KSR2: variants seen among roughly 807,000 people sequenced by gnomAD.
KSR2 encodes the protein kinase suppressor of ras 2.
KSR2 carries 25 observed loss-of-function variants against 107.8 expected under a neutral mutation model. The observed-to-expected ratio is 0.23, with a 90% confidence interval of 0.17 to 0.32. The LOEUF (loss-of-function observed/expected upper bound fraction) is 0.32, where lower values mean the gene tolerates loss of function less well. Ranked by LOEUF, KSR2 falls within the 10% of genes least tolerant of loss-of-function variation. The pLI is 1.00. For missense variants in KSR2, 887 were observed against 1,268.9 expected (o/e 0.70, Z 4.57); for synonymous variants, 480 against 507.0 (o/e 0.95, Z 0.71).
intron 3 of KSR2, among the ~76,000 whole-genome samples, chr12:117,771,351 C>T (rs1425400812): frequency 1.3e-5 from 2 of 152,074 alleles, no homozygotes; most frequent in Non-Finnish European, 2.9e-5. Flanking sequence ...TGAGTTGTCC[C>T]GCCTTTCTGA....
chr12:117,794,136 GCA>G (rs1304672381), intron 3 of KSR2, among the ~76,000 whole-genome samples: 2 of 92,628 alleles, frequency 2.2e-5, no homozygotes, highest in South Asian at 3.6e-4. Flanking sequence ...ACACCAACAT[GCA>G]CACACCCCAA....
Position 117,605,288 on chromosome 12 carries a change from T to C in KSR2, c.1172-22929A>G, listed in dbSNP as rs78930379. On this transcript the variant is annotated intron_variant, in intron 5 of 19. Coordinates refer to ENST00000339824, the MANE Select transcript of KSR2 (RefSeq NM_173598.6). ...CTCCAACCCAGGAAGGCTCTTAGGTTCATTAAGGCTCCTCCAATGTTGCTG... is the reference window on the plus strand; with the variant it reads ...CTCCAACCCAGGAAGGCTCTTAGGTCCATTAAGGCTCCTCCAATGTTGCTG... Among the ~76,000 whole-genome samples the C allele has an allele frequency of 1.6e-3, 248 of 152,316 alleles. 1 individual carries two copies. The highest frequency in any genetic ancestry group is 6.8e-3 in the Middle Eastern group (2 of 294).
At chr12:117,652,769 TGTG>T (rs1883957902) in intron 5 of KSR2, among the ~76,000 whole-genome samples, 1 of 152,172 alleles carries the variant, frequency 6.6e-6, no homozygotes. Context: ...AAAACATCAC[TGTG>T]GTCCTCCAGT....
chr12:117,595,605 C>T (rs1207096083), intron 5 of KSR2, among the ~76,000 whole-genome samples: 1 of 152,186 alleles, frequency 6.6e-6, no homozygotes, highest in African/African-American at 2.4e-5. Context: ...CCTCATGATC[C>T]ACCCGCCTCG....
At chr12:117,479,860 A>G in intron 16 of KSR2, among the ~76,000 whole-genome samples, 1 of 152,170 alleles carries the variant, frequency 6.6e-6, no homozygotes, top group East Asian at 1.9e-4. Context: ...CTTACTAGCT[A>G]TGGAACCTTG....
chr12:117,914,121 TC>T (rs1200306219), intron 1 of KSR2, among the ~76,000 whole-genome samples: 1 of 152,116 alleles, frequency 6.6e-6, no homozygotes, highest in Non-Finnish European at 1.5e-5. Context: ...TACACTGTTA[TC>T]AGGAGGAACA....
intron 7 of KSR2, among the ~76,000 whole-genome samples, chr12:117,575,648 A>G (rs1426053460): frequency 6.6e-6 from 1 of 152,230 alleles, no homozygotes; most frequent in Non-Finnish European, 1.5e-5. Flanking sequence ...ATAATTATGT[A>G]CTGGAGATAG....
At chr12:117,814,954 C>A (rs1891320495) in intron 3 of KSR2, among the ~76,000 whole-genome samples, 1 of 152,138 alleles carries the variant, frequency 6.6e-6, no homozygotes, top group Non-Finnish European at 1.5e-5. Context: ...AAAAAACAAA[C>A]AATCCAGTGC....
intron 1 of KSR2, among the ~76,000 whole-genome samples, chr12:117,885,642 T>C (rs2137336637): frequency 7.3e-6 from 1 of 136,942 alleles, no homozygotes; most frequent in South Asian, 2.2e-4. Context: ...TATATGTATA[T>C]AATATATACA....
In KSR2 at chr12:117,665,993, A is replaced by G. The variant is rs987775279; in HGVS notation, c.1171+1481T>C. Among the ~76,000 whole-genome samples, 27 of 152,328 alleles carry G rather than the reference A, an allele frequency of 1.8e-4. 1 individual carries two copies. Among genetic ancestry groups the G allele is most frequent in the African/African-American group, 6.0e-4 (25 of 41,574 alleles). On this transcript the variant is annotated intron_variant, in intron 5 of 19. Coordinates refer to ENST00000339824, the MANE Select transcript of KSR2 (RefSeq NM_173598.6). Reference sequence around the variant, plus strand: ...TTGACTACCATGCAGGCCCACCGTCATGAAGGGTGCTCTCTCTGGCAGTGA... The same window carrying G: ...TTGACTACCATGCAGGCCCACCGTCGTGAAGGGTGCTCTCTCTGGCAGTGA...
Position 117,558,502 on chromosome 12 carries a change from T to C in KSR2, c.1393+4A>G. ...CCCTAGGGCAGTAAGTGTTAAATAG[T>C]TACCTCCTCGGTGGATGATCAGAAG... On this transcript the variant is annotated splice_donor_region_variant and intron_variant, in intron 8 of 19. Transcript: ENST00000339824. 6.2e-7 allele frequency: 1 copy of C among 1,613,700 alleles called. No homozygotes were observed. Among genetic ancestry groups the C allele is most frequent in the Non-Finnish European group, 8.5e-7 (1 of 1,179,640 alleles).
intron 1 of KSR2, among the ~76,000 whole-genome samples, chr12:117,913,385 C>G (rs1331192305): frequency 6.6e-6 from 1 of 152,124 alleles, no homozygotes; most frequent in African/African-American, 2.4e-5. Flanking sequence ...AACCTCTCCC[C>G]CTGTCCATCC....
chr12:117,582,963 AT>A (rs941954391), intron 5 of KSR2, among the ~76,000 whole-genome samples: 7 of 151,716 alleles, frequency 4.6e-5, no homozygotes, highest in South Asian at 2.1e-4. Context: ...GCTGACTCCA[AT>A]TTTTTTTTGT....
At chr12:117,674,461 A>G (rs2136510959) in intron 4 of KSR2, 1 of 450,890 alleles carries the variant, frequency 2.2e-6, no homozygotes, top group Non-Finnish European at 4.5e-6. Flanking sequence ...TCTAGTTCCA[A>G]ATGCTCACCA....
chr12:117,684,494 G>C (rs1174579699), intron 4 of KSR2, among the ~76,000 whole-genome samples: 1 of 152,138 alleles, frequency 6.6e-6, no homozygotes, highest in African/African-American at 2.4e-5. Flanking sequence ...CACTCCAGTG[G>C]ATCCAATTTT....
intron 1 of KSR2, among the ~76,000 whole-genome samples, chr12:117,957,826 A>G (rs1593404778): frequency 7.9e-6 from 1 of 126,236 alleles, no homozygotes; most frequent in East Asian, 2.3e-4. Context: ...TCACAGGCTG[A>G]CCACCTTTTT....
chr12:117,932,927 C>T (rs1220161508), intron 1 of KSR2, among the ~76,000 whole-genome samples: 3 of 151,866 alleles, frequency 2.0e-5, no homozygotes, highest in Admixed American at 6.6e-5. Flanking sequence ...GCAGGAGAAT[C>T]GCTTGAACCT....
At chr12:117,947,504 T>C (rs1390810185) in intron 1 of KSR2, among the ~76,000 whole-genome samples, 1 of 152,142 alleles carries the variant, frequency 6.6e-6, no homozygotes, top group Non-Finnish European at 1.5e-5. Context: ...CAAGGATATA[T>C]ACTCCCACTA....
At chr12:117,482,533 T>C (rs1292547947) in intron 16 of KSR2, among the ~76,000 whole-genome samples, 11 of 152,172 alleles carry the variant, frequency 7.2e-5, no homozygotes, top group Admixed American at 6.5e-4. Flanking sequence ...TGGGTTTGTG[T>C]TGACAACCTG....
Sources: allele counts gnomAD v4.1 joint callset (sites outside exome capture counted in the v4.1 genomes callset), GRCh38; gene constraint gnomAD v4.1.1; transcripts MANE v1.5; gene names NCBI Gene and HGNC (gene_info 2026-07-23, HGNC 2026-07-21).